Variants in GPATCH2 observed in about 807,000 individuals in gnomAD.
The protein encoded by GPATCH2 is G patch domain-containing protein 2.
In GPATCH2, 51 loss-of-function variants were observed where a neutral mutation model predicts 58.0. The observed-to-expected ratio is 0.88, with a 90% CI of 0.70 to 1.11. The LOEUF (loss-of-function observed/expected upper bound fraction) is 1.11. Among genes scored for constraint, GPATCH2 ranks in the 50% most tolerant of loss-of-function variants. The pLI is 0.00. For missense variants in GPATCH2, 625 were observed against 652.2 expected (o/e 0.96, Z 0.45); for synonymous variants, 222 against 218.5 (o/e 1.02, Z -0.14).
intron 5 of GPATCH2, among the ~76,000 whole-genome samples, chr1:217,549,732 T>A (rs1665256703): frequency 6.6e-6 from 1 of 152,144 alleles, no homozygotes; most frequent in African/African-American, 2.4e-5. Context: ...TTTAGTTAAA[T>A]GAATGAAAGA....
At chr1:217,471,378 A>T (rs1660715670) in intron 8 of GPATCH2, among the ~76,000 whole-genome samples, 1 of 152,186 alleles carries the variant, frequency 6.6e-6, no homozygotes, top group South Asian at 2.1e-4. Context: ...AAATGTCATA[A>T]TTAATAGTTT....
chr1:217,521,358 CAAAA>C (rs35333815), intron 5 of GPATCH2, among the ~76,000 whole-genome samples: 1,317 of 101,150 alleles, frequency 0.013, 18 homozygotes, highest in Middle Eastern at 0.075. Flanking sequence ...AGGGAGACTG[CAAAA>C]AAAAAAAAAA....
intron 9 of GPATCH2, among the ~76,000 whole-genome samples, chr1:217,444,461 T>C (rs1659290554): frequency 6.6e-6 from 1 of 152,214 alleles, no homozygotes; most frequent in African/African-American, 2.4e-5. Flanking sequence ...TTTTATTCAG[T>C]GTTTTCAGGT....
Position 217,495,047 on chromosome 1 carries a change from AAC to A in GPATCH2, c.1207-3299_1207-3298del, listed in dbSNP as rs1056210774. On this transcript the variant is annotated intron_variant, in intron 7 of 9. Transcript: ENST00000366935. Reference sequence around the variant, plus strand: ...CTTTCAGATTGCTGGACTTAGGCCAAACGAAGATACAATCCCCTTATTAGTGA... The same window carrying A: ...CTTTCAGATTGCTGGACTTAGGCCAAGAAGATACAATCCCCTTATTAGTGA... 4 of 628,014 alleles carry A rather than the reference AAC, an allele frequency of 6.4e-6. No individual in the cohort carries two copies. In the African/African-American group the frequency reaches 7.9e-5, roughly 12 times the overall value. 38.9% of individuals were successfully genotyped at this position (628,014 alleles called of 1,614,324 possible). A position where few individuals can be genotyped will look rare whatever the true frequency, so the allele number is the denominator to read the frequency against.
chr1:217,556,433 A>G (rs1204733774), intron 5 of GPATCH2, among the ~76,000 whole-genome samples: 1 of 152,144 alleles, frequency 6.6e-6, no homozygotes, highest in Non-Finnish European at 1.5e-5. Flanking sequence ...CATTTTGCCA[A>G]TCTTTAAACT....
intron 5 of GPATCH2, among the ~76,000 whole-genome samples, chr1:217,577,714 T>C (rs1345169152): frequency 6.6e-6 from 1 of 152,018 alleles, no homozygotes; most frequent in Non-Finnish European, 1.5e-5. Context: ...AAGTTCAAAG[T>C]ATCATATAAA....
chr1:217,619,733 C>A, intron 2 of GPATCH2, 50 bp downstream of exon 2: 1 of 686,824 alleles, frequency 1.5e-6, no homozygotes, highest in Non-Finnish European at 2.3e-6. Flanking sequence ...AACATTCAAC[C>A]ACAAACACTG....
chr1:217,574,990 G>C (rs1023934757), intron 5 of GPATCH2, among the ~76,000 whole-genome samples: 2 of 152,146 alleles, frequency 1.3e-5, no homozygotes, highest in African/African-American at 4.8e-5. Flanking sequence ...CACAGGGTTG[G>C]AAATGTGGCA....
intron 5 of GPATCH2, among the ~76,000 whole-genome samples, chr1:217,519,987 T>C (rs897389489): frequency 1.3e-5 from 2 of 152,210 alleles, no homozygotes; most frequent in Non-Finnish European, 2.9e-5. Context: ...ATTGTTGTTT[T>C]TTAAACATGA....
At chr1:217,467,296 T>C (rs1002787816) in intron 8 of GPATCH2, among the ~76,000 whole-genome samples, 2 of 152,188 alleles carry the variant, frequency 1.3e-5, no homozygotes, top group Non-Finnish European at 2.9e-5. Context: ...AGTATTTTTA[T>C]ATTATTATAA....
chr1:217,489,816 C>T (rs946627032), intron 8 of GPATCH2, among the ~76,000 whole-genome samples: 2 of 152,136 alleles, frequency 1.3e-5, no homozygotes, highest in South Asian at 2.1e-4. Context: ...GAGTGGAGAT[C>T]GCACCATTGC....
At chr1:217,501,888 C>G (rs1398673050) in intron 6 of GPATCH2, among the ~76,000 whole-genome samples, 2 of 151,944 alleles carry the variant, frequency 1.3e-5, no homozygotes, top group Non-Finnish European at 2.9e-5. Flanking sequence ...CAAATATTTT[C>G]TCTCAGTGTG....
chr1:217,428,437 A>T lies in GPATCH2; in HGVS notation c.*2708T>A, dbSNP rs1302010352. The T allele has an allele frequency of 1.3e-5, 2 of 152,184 alleles. No individual in the cohort carries two copies. Among genetic ancestry groups the T allele is most frequent in the African/African-American group, 4.8e-5 (2 of 41,442 alleles). The allele number at this position is 152,184 out of a possible 1,614,324, so 9.4% of individuals were successfully genotyped here. On this transcript the variant is annotated 3_prime_UTR_variant, in exon 10 of 10. Transcript: ENST00000366935. The stretch of plus-strand genomic sequence containing the variant: ...TAAAAGACAAATTAGTGGGCTTCAG[A>T]TGGTGAAAGACATTTGATTTGCACT...
intron 5 of GPATCH2, among the ~76,000 whole-genome samples, chr1:217,583,463 C>G (rs1206136228): frequency 1.3e-5 from 2 of 150,212 alleles, no homozygotes; most frequent in African/African-American, 2.5e-5. Context: ...CCCAGCTACT[C>G]AGGAGGCTGA....
Position 217,461,079 on chromosome 1 carries a change from T to C in GPATCH2, c.1278-11742A>G, listed in dbSNP as rs528305190. On this transcript the variant is annotated intron_variant, in intron 8 of 9. Transcript: ENST00000366935. ...ATGTACATTTTCTGAGTAGGACTAC[T>C]AAAGAGCAAAGAAAAATGTGCTTGC... Among the ~76,000 whole-genome samples the C allele has an allele frequency of 2.3e-3, 352 of 152,344 alleles. 2 individuals carry two copies. Among genetic ancestry groups the C allele is most frequent in the African/African-American group, 8.2e-3 (339 of 41,590 alleles).
Position 217,620,386 on chromosome 1 carries a change from A to G in GPATCH2, c.170T>C (p.Ile57Thr), listed in dbSNP as rs889580164. Residue 57 changes from isoleucine to threonine, a missense_variant, in exon 2 of 10, where the codon ATA becomes ACA. Transcript: ENST00000366935. The part of the protein sequence containing the change: ...FAETGDHSRS[I>T]SCPLKRQARK... Reference sequence around the variant, plus strand: ...TGCCTGGCGTTTCAGAGGGCAAGATATACTTCGAGAATGGTCTCCTGTTTC... The same window carrying G: ...TGCCTGGCGTTTCAGAGGGCAAGATGTACTTCGAGAATGGTCTCCTGTTTC... 3 of 1,614,028 alleles carry G rather than the reference A, an allele frequency of 1.9e-6. No individual in the cohort carries two copies. The highest frequency in any genetic ancestry group is 1.7e-5 in the Admixed American group (1 of 60,008).
At chr1:217,496,462 T>C (rs1571806926) in intron 7 of GPATCH2, among the ~76,000 whole-genome samples, 1 of 152,174 alleles carries the variant, frequency 6.6e-6, no homozygotes, top group East Asian at 1.9e-4. Context: ...GTTTGTTTGT[T>C]TGTTTGTTTT....
intron 9 of GPATCH2, among the ~76,000 whole-genome samples, chr1:217,431,669 T>A (rs928865840): frequency 6.6e-6 from 1 of 152,214 alleles, no homozygotes; most frequent in East Asian, 1.9e-4. Context: ...CAGAACTTTG[T>A]AGGACAGATG....
At position 217,484,556 on chromosome 1, in the gene GPATCH2, T is replaced by TTATATATA. The variant is rs60742327; in HGVS notation, c.1277+7116_1277+7123dup. Among the ~76,000 whole-genome samples the TTATATATA allele has an allele frequency of 3.7e-3, 528 of 143,162 alleles. 2 individuals are homozygous for TTATATATA. The highest frequency in any genetic ancestry group is 6.3e-3 in the South Asian group (29 of 4,600). The allele number at this position is 143,162 out of a possible 152,430, so 93.9% of individuals were successfully genotyped here. A position where few individuals can be genotyped will look rare whatever the true frequency, so the allele number is the denominator to read the frequency against. On this transcript the variant is annotated intron_variant, in intron 8 of 9. Coordinates refer to ENST00000366935, the MANE Select transcript of GPATCH2 (RefSeq NM_018040.5). ...AATAAATCTTTCTATATATAATTAT[T>TTATATATA]TATATATATATATATATATATGATG...
Sources: gnomAD v4.1 joint callset for allele counts (sites outside exome capture counted in the v4.1 genomes callset) on GRCh38, gnomAD v4.1.1 for gene constraint, MANE v1.5 for transcripts, NCBI Gene and HGNC (gene_info 2026-07-23, HGNC 2026-07-21) for gene names.